LRP2: variants seen among roughly 807,000 people sequenced by gnomAD.
LRP2 encodes the protein LDL receptor related protein 2, also known as low-density lipoprotein receptor-related protein 2.
Under a neutral mutation model 531.0 loss-of-function variants are expected in LRP2, and 172 were observed. That is an observed-to-expected ratio of 0.32 (90% CI 0.29 to 0.37). The LOEUF (loss-of-function observed/expected upper bound fraction) is 0.37, where lower values mean the gene tolerates loss of function less well. Ranked by LOEUF, LRP2 falls within the 10% of genes least tolerant of loss-of-function variation. LRP2 has a pLI of 1.00. For missense variants in LRP2, 5,167 were observed against 5,868.3 expected, an observed-to-expected ratio of 0.88 and a Z score of 3.90; for synonymous variants, 1,992 against 2,027.6, an observed-to-expected ratio of 0.98 and a Z score of 0.47.
chr2:169,266,819 C>T (rs1266856506), intron 16 of LRP2, among the ~76,000 whole-genome samples: 1 of 151,642 alleles, frequency 6.6e-6, no homozygotes, highest in Non-Finnish European at 1.5e-5. Flanking sequence ...TAATGGCTCT[C>T]ATACACGTGA....
intron 61 of LRP2, among the ~76,000 whole-genome samples, chr2:169,167,957 C>T (rs920938379): frequency 7.0e-6 from 1 of 142,220 alleles, no homozygotes; most frequent in Non-Finnish European, 1.5e-5. Context: ...TTTTGAAATA[C>T]CCCTCCTCCT....
In LRP2 at chr2:169,188,185, G is replaced by A. The variant is rs750409984; in HGVS notation, c.9113C>T (p.Thr3038Ile). 7.4e-6 allele frequency: 12 copies of A among 1,613,976 alleles called. No homozygotes were observed. In the Admixed American group the frequency reaches 1.8e-4, roughly 25 times the overall value. Residue 3038 changes from threonine to isoleucine, a missense_variant, in exon 49 of 79, where the codon ACC (threonine) becomes ATC (isoleucine). Thr to Ile is a moderately conservative substitution (Grantham distance 89). This residue lies in a region of LRP2 where 1,129 missense variants were observed against 1,362.7 expected (regional missense o/e 0.83). Coordinates refer to ENST00000649046, the MANE Select transcript of LRP2 (RefSeq NM_004525.3). ...LYQTCQQNQFTCQNGRCISKT... is the reference protein window; with the variant it reads ...LYQTCQQNQFICQNGRCISKT... ...ACTAATGCAGCGCCCGTTCTGACAG[G>A]TAAACTGATTCTGTTGGCAAGTCTG...
chr2:169,236,985 A>G (rs879413817), intron 28 of LRP2, 118 bp downstream of exon 28: 19 of 836,532 alleles, frequency 2.3e-5, no homozygotes, highest in Middle Eastern at 2.7e-4. Context: ...ATGTTTAAAC[A>G]AGGGATCATT....
intron 34 of LRP2, among the ~76,000 whole-genome samples, chr2:169,219,298 T>C (rs1461033135): frequency 2.0e-5 from 3 of 152,108 alleles, no homozygotes; most frequent in Non-Finnish European, 2.9e-5. Flanking sequence ...CTGATAACTT[T>C]CAAACATTAA....
intron 7 of LRP2, 21 bp downstream of exon 7, chr2:169,292,232 G>A (rs1237971873): frequency 2.0e-6 from 3 of 1,505,540 alleles, no homozygotes; most frequent in Non-Finnish European, 2.8e-6. Flanking sequence ...CTTTTCAGTA[G>A]GAATCTCTTC....
chr2:169,261,762 G>A (rs1690564530), intron 16 of LRP2, among the ~76,000 whole-genome samples: 1 of 152,092 alleles, frequency 6.6e-6, no homozygotes, highest in African/African-American at 2.4e-5. Context: ...GCATCATCCT[G>A]ATACCAAAGC....
Position 169,204,093 on chromosome 2 carries a change from T to C in LRP2, c.7894A>G (p.Asn2632Asp), listed in dbSNP as rs17848169. ...DGSGQIAMTT[N>D]LLSQPRGINT... Reference sequence around the variant, plus strand: ...ATTCCCCTGGGCTGGGAGAGCAAATTTGTGGTCATTGCAATCTGACCTGAC... The same window carrying C: ...ATTCCCCTGGGCTGGGAGAGCAAATCTGTGGTCATTGCAATCTGACCTGAC... The change falls in exon 42 of 79, where the codon AAT (asparagine) becomes GAT (aspartate). Residue 2632 changes from asparagine to aspartate, a missense_variant. Coordinates refer to ENST00000649046, the MANE Select transcript of LRP2 (RefSeq NM_004525.3). 0.036 allele frequency: 57,369 copies of C among 1,614,116 alleles called. 1,143 individuals are homozygous for C. The highest frequency in any genetic ancestry group is 0.04 in the Non-Finnish European group (46,956 of 1,179,986).
At chr2:169,158,061 T>TACACACAC (rs61381788) in intron 63 of LRP2, among the ~76,000 whole-genome samples, 5,402 of 141,380 alleles carry the variant, frequency 0.038, 195 homozygotes, top group East Asian at 0.2. Context: ...ATTGATTATA[T>TACACACAC]ACACACACAC....
intron 44 of LRP2, among the ~76,000 whole-genome samples, chr2:169,201,186 T>C (rs1437933738): frequency 6.6e-6 from 1 of 152,194 alleles, no homozygotes; most frequent in Admixed American, 6.5e-5. Context: ...GTGGGAAGTG[T>C]TGTGGCATAA....
At position 169,193,762 on chromosome 2, in the gene LRP2, A is replaced by G; in HGVS notation, c.8829T>C (p.Cys2943=). The G allele has an allele frequency of 6.2e-7, 1 of 1,614,170 alleles. No homozygotes were observed. Among genetic ancestry groups the G allele is most frequent in the Non-Finnish European group, 8.5e-7 (1 of 1,180,014 alleles). Residue 2943 remains cysteine (C), a splice_region_variant and synonymous_variant, in exon 47 of 79, where the codon TGT becomes TGC. Transcript: ENST00000649046. The part of the protein sequence containing the change: ...DMSDEDKRHQ[C]QNQNCSDSEF... ...GAGGAATTAATTGGCTTCACTTACGACACTGGTGCCTTTTATCCTCGTCAC... is the reference window on the plus strand; with the variant it reads ...GAGGAATTAATTGGCTTCACTTACGGCACTGGTGCCTTTTATCCTCGTCAC...
intron 1 of LRP2, among the ~76,000 whole-genome samples, chr2:169,336,139 C>T (rs543066178): frequency 5.3e-5 from 8 of 152,082 alleles, no homozygotes; most frequent in African/African-American, 1.9e-4. Flanking sequence ...TACAATAATG[C>T]CTTTCTAATT....
chr2:169,169,390 A>C (rs750192223), intron 60 of LRP2, among the ~76,000 whole-genome samples: 1 of 152,248 alleles, frequency 6.6e-6, no homozygotes, highest in African/African-American at 2.4e-5. Flanking sequence ...CGTTGCTTGA[A>C]TATTTTTTTA....
At chr2:169,304,515 G>A (rs192305208) in intron 4 of LRP2, among the ~76,000 whole-genome samples, 3 of 152,188 alleles carry the variant, frequency 2.0e-5, no homozygotes, top group Non-Finnish European at 4.4e-5. Flanking sequence ...ATAACATATG[G>A]TTTATCATTA....
intron 4 of LRP2, among the ~76,000 whole-genome samples, chr2:169,299,582 G>C (rs770087132): frequency 6.7e-6 from 1 of 150,036 alleles, no homozygotes; most frequent in Admixed American, 6.7e-5. Flanking sequence ...AAAAGTGACC[G>C]AGCAACAAGA....
At chr2:169,144,723 T>A (rs1016243474) in intron 70 of LRP2, among the ~76,000 whole-genome samples, 1 of 152,190 alleles carries the variant, frequency 6.6e-6, no homozygotes, top group Admixed American at 6.5e-5. Flanking sequence ...TGTCATCTCA[T>A]GGGAGTCTCA....
rs1236558808 is a variant in LRP2 at position 169,188,344 on chromosome 2, C to A, written c.9033-79G>T. The stretch of plus-strand genomic sequence containing the variant: ...TATTACCCACTTGGGGTTTTGCTTC[C>A]TTCTTTATCTACCTAAATGCCAGGT... On this transcript the variant is annotated intron_variant, in intron 48 of 78. Coordinates refer to ENST00000649046, the MANE Select transcript of LRP2 (RefSeq NM_004525.3). 3 of 1,362,498 alleles carry A rather than the reference C, an allele frequency of 2.2e-6. No homozygotes were observed. In the African/African-American group the frequency reaches 4.3e-5, roughly 19 times the overall value. The allele number at this position is 1,362,498 out of a possible 1,614,324, so 84.4% of individuals were successfully genotyped here. A position where few individuals can be genotyped will look rare whatever the true frequency, so the allele number is the denominator to read the frequency against.
intron 1 of LRP2, among the ~76,000 whole-genome samples, chr2:169,330,317 TA>T (rs1402533192): frequency 6.6e-6 from 1 of 152,192 alleles, no homozygotes; most frequent in Non-Finnish European, 1.5e-5. Flanking sequence ...GTAATTAAAA[TA>T]AAGTGCCTTT....
chr2:169,196,888 T>C, intron 46 of LRP2, 23 bp downstream of exon 46: 1 of 1,614,006 alleles, frequency 6.2e-7, no homozygotes, highest in Non-Finnish European at 8.5e-7. Flanking sequence ...CGTGATGTTT[T>C]TCATGCTTGC....
chr2:169,215,918 A>C (rs1688771577), intron 35 of LRP2, among the ~76,000 whole-genome samples: 1 of 151,652 alleles, frequency 6.6e-6, no homozygotes, highest in South Asian at 2.1e-4. Flanking sequence ...TCAAAGAAAA[A>C]CACTGAAATC....
Sources: gnomAD v4.1 joint callset for allele counts (sites outside exome capture counted in the v4.1 genomes callset) on GRCh38, gnomAD v4.1.1 for gene constraint, gnomAD v4.1.1 regional missense constraint, MANE v1.5 for transcripts, NCBI Gene and HGNC (gene_info 2026-07-23, HGNC 2026-07-21) for gene names.